FOXL3: variants seen among roughly 807,000 people sequenced by gnomAD.
FOXL3 encodes the protein forkhead box protein L3.
Under a neutral mutation model 10.9 loss-of-function variants are expected in FOXL3, and 16 were observed. The observed-to-expected ratio is 1.46, with a 90% CI of 0.99 to 2.22. FOXL3 has a LOEUF of 2.22. Among genes scored for constraint, FOXL3 ranks in the 30% most tolerant of loss-of-function variants. FOXL3 has a pLI of 0.00. For synonymous variants in FOXL3, 170 were observed against 152.0 expected (o/e 1.12, Z -0.87); for missense variants, 400 against 337.9 (o/e 1.18, Z -1.44).
Position 290,511 on chromosome 7 carries a change from C to A in FOXL3, c.108-142C>A, listed in dbSNP as rs929382229. ...GAAAGAGCTTCTGGGGTCTGGGTGG[C>A]GCCGGGGACCGCGAGCTGCGGGGAC... On this transcript the variant is annotated intron_variant, in intron 1 of 2. Coordinates refer to ENST00000506382, the MANE Select transcript of FOXL3 (RefSeq NM_001374838.1). 213 of 927,512 alleles carry A rather than the reference C, an allele frequency of 2.3e-4. 1 individual carries two copies. The highest frequency in any genetic ancestry group is 1.0e-3 in the Middle Eastern group (3 of 2,972). 57.5% of individuals were successfully genotyped at this position (927,512 alleles called of 1,614,324 possible).
In FOXL3 at chr7:291,402, T is replaced by C. The variant is rs1438599596; in HGVS notation, c.616T>C (p.Phe206Leu). The C allele has an allele frequency of 3.1e-6, 4 of 1,276,016 alleles. No homozygotes were observed. In the African/African-American group the frequency reaches 4.6e-5, roughly 15 times the overall value. The allele number at this position is 1,276,016 out of a possible 1,614,324, so 79.0% of individuals were successfully genotyped here. Residue 206 changes from phenylalanine (F) to leucine (L), a missense_variant, in exon 3 of 3, where the codon TTC becomes CTC. Phe to Leu is a conservative substitution (Grantham distance 22). Transcript: ENST00000506382. ...CTACATCCTGTCCTCCCCAGACCCC[T>C]TCCCTGGGCTCAAGCCGCCCTGCCT... ...IDYILSSPDP[F>L]PGLKPPCLAQ... is the part of the protein sequence containing the mutation.
chr7:291,397 A>T lies in FOXL3; in HGVS notation c.611A>T (p.Asp204Val). Residue 204 changes from aspartate (D) to valine (V), a missense_variant, in exon 3 of 3, where the codon GAC (aspartate) becomes GTC (valine). Coordinates refer to ENST00000506382, the MANE Select transcript of FOXL3 (RefSeq NM_001374838.1). ...ATCGACTACATCCTGTCCTCCCCAG[A>T]CCCCTTCCCTGGGCTCAAGCCGCCC... ...FSIDYILSSP[D>V]PFPGLKPPCL... The T allele has an allele frequency of 1.6e-6, 2 of 1,283,916 alleles. No individual in the cohort carries two copies. The highest frequency in any genetic ancestry group is 2.0e-4 in the Middle Eastern group (1 of 5,020). 79.5% of individuals were successfully genotyped at this position (1,283,916 alleles called of 1,614,324 possible).
At position 290,226 on chromosome 7, in the gene FOXL3, C is replaced by A. The variant is rs764202379; in HGVS notation, c.57C>A (p.Tyr19Ter). Reference sequence around the variant, plus strand: ...GCTTCAATTACGACGCCGACGACTACCCCGCCGGCAGCTCCGACGAAGACA... The same window carrying A: ...GCTTCAATTACGACGCCGACGACTAACCCGCCGGCAGCTCCGACGAAGACA... ...YNCFNYDADD[Y>*]PAGSSDEDKR... Residue 19 changes from tyrosine (Y) to a stop codon, truncating the protein, a stop_gained, in exon 1 of 3, where the codon TAC (tyrosine) becomes TAA (stop). Coordinates refer to ENST00000506382, the MANE Select transcript of FOXL3 (RefSeq NM_001374838.1). LOFTEE classifies it high-confidence loss of function. 2.6e-6 allele frequency: 4 copies of A among 1,535,968 alleles called. No individual in the cohort carries two copies. In the South Asian group the frequency reaches 4.8e-5, roughly 18 times the overall value.
Position 291,128 on chromosome 7 carries a change from G to C in FOXL3, c.342G>C (p.Glu114Asp). ...ACTGGACGTTCGCGGGCGGCTGCGA[G>C]TCGCTGCTGGACCTCTTCGAGAACG... ...GNYWTFAGGCESLLDLFENGN... is the reference protein window; with the variant it reads ...GNYWTFAGGCDSLLDLFENGN... The change falls in exon 3 of 3, where the codon GAG becomes GAC. Residue 114 changes from glutamate (E) to aspartate (D), a missense_variant. Physicochemically the swap from Glu to Asp is conservative, Grantham distance 45. Coordinates refer to ENST00000506382, the MANE Select transcript of FOXL3 (RefSeq NM_001374838.1). 1 of 1,404,586 alleles carries C rather than the reference G, an allele frequency of 7.1e-7. No individual in the cohort carries two copies. Among genetic ancestry groups the C allele is most frequent in the South Asian group, 1.4e-5 (1 of 71,190 alleles). 87.0% of individuals were successfully genotyped at this position (1,404,586 alleles called of 1,614,324 possible).
chr7:291,218 G>T lies in FOXL3; in HGVS notation c.432G>T (p.Ala144=). The change falls in exon 3 of 3, where the codon GCG becomes GCT. Residue 144 remains alanine, a synonymous_variant. Transcript: ENST00000506382. ...GCGAGGGGCCGAGGGGTCCGCGCGC[G>T]GGGGGCGCCCAGGGGCCGTCGGGTC... ...PKREGPRGPR[A]GGAQGPSGPS... is the part of the protein sequence containing the mutation. 4.3e-6 allele frequency: 5 copies of T among 1,165,212 alleles called. No homozygotes were observed. The highest frequency in any genetic ancestry group is 5.3e-6 in the Non-Finnish European group (5 of 946,788). The allele number at this position is 1,165,212 out of a possible 1,614,324, so 72.2% of individuals were successfully genotyped here.
In FOXL3 at chr7:290,256, G is replaced by A; in HGVS notation, c.87G>A (p.Arg29=). Residue 29 remains arginine, a synonymous_variant, in exon 1 of 3, where the codon AGG becomes AGA. Coordinates refer to ENST00000506382, the MANE Select transcript of FOXL3 (RefSeq NM_001374838.1). ...CCGGCAGCTCCGACGAAGACAAGAG[G>A]CTCACGCGGCCCGCGTACAGGTGAC... is the stretch of plus-strand genomic sequence containing the variant. ...YPAGSSDEDK[R]LTRPAYSYIA... is the part of the protein sequence containing the mutation. The A allele has an allele frequency of 6.5e-7, 1 of 1,535,910 alleles. No homozygotes were observed. The highest frequency in any genetic ancestry group is 8.7e-7 in the Non-Finnish European group (1 of 1,146,766).
chr7:290,793 A>C lies in FOXL3; in HGVS notation c.248A>C (p.Asn83Thr). 2 of 1,511,500 alleles carry C rather than the reference A, an allele frequency of 1.3e-6. No individual in the cohort carries two copies. Among genetic ancestry groups the C allele is most frequent in the Non-Finnish European group, 1.8e-6 (2 of 1,134,566 alleles). 93.6% of individuals were successfully genotyped at this position (1,511,500 alleles called of 1,614,324 possible). ...QRAWQNSIRH[N>T]LSLNSCFVKV... ...GCCTGGCAGAACTCCATCCGCCACA[A>C]CCTGTCCCTCAACAGCTGCTTCGTC... The change falls in exon 2 of 3, where the codon AAC becomes ACC. Residue 83 changes from asparagine (N) to threonine (T), a missense_variant. Transcript: ENST00000506382.
Position 290,212 on chromosome 7 carries a change from G to A in FOXL3, c.43G>A (p.Asp15Asn), listed in dbSNP as rs780475362. ...SQYPYNCFNY[D>N]ADDYPAGSSD... ...GTATCCCTACAACTGCTTCAATTACGACGCCGACGACTACCCCGCCGGCAG... is the reference window on the plus strand; with the variant it reads ...GTATCCCTACAACTGCTTCAATTACAACGCCGACGACTACCCCGCCGGCAG... Residue 15 changes from aspartate to asparagine, a missense_variant, in exon 1 of 3, where the codon GAC (aspartate) becomes AAC (asparagine). Transcript: ENST00000506382. 125 of 1,535,836 alleles carry A rather than the reference G, an allele frequency of 8.1e-5. No individual in the cohort carries two copies. The Middle Eastern group carries it at 1.0e-3, about 12-fold the overall frequency.
chr7:291,041 GC>G, intron 2 of FOXL3, 21 bp from the exon 3 acceptor site: 1 of 1,370,490 alleles, frequency 7.3e-7, no homozygotes, highest in South Asian at 1.6e-5. Flanking sequence ...GCCGCTCCCA[GC>G]CCCTCCCTCC....
intron 2 of FOXL3, 97 bp from the exon 3 acceptor site, chr7:290,966 G>T: frequency 7.8e-7 from 1 of 1,277,898 alleles, no homozygotes; most frequent in Non-Finnish European, 9.9e-7. Flanking sequence ...TGCGCAGTGC[G>T]CCACCCTCGC....
At chr7:290,555 T>A (rs1211670126) in intron 1 of FOXL3, 98 bp from the exon 2 acceptor site, 2 of 1,226,790 alleles carry the variant, frequency 1.6e-6, no homozygotes, top group Non-Finnish European at 2.2e-6. Context: ...CAACACCGCC[T>A]CGCTCCTCCG....
Position 290,271 on chromosome 7 carries a change from G to A in FOXL3, c.102G>A (p.Ala34=). 6.5e-7 allele frequency: 1 copy of A among 1,535,606 alleles called. No homozygotes were observed. The highest frequency in any genetic ancestry group is 8.7e-7 in the Non-Finnish European group (1 of 1,146,526). ...SDEDKRLTRP[A]YSYIALIAMA... is the part of the protein sequence containing the mutation. ...AAGACAAGAGGCTCACGCGGCCCGC[G>A]TACAGGTGACTGCGGGGGCGGTGCT... Residue 34 remains alanine (A), a synonymous_variant, in exon 1 of 3, where the codon GCG becomes GCA. Transcript: ENST00000506382.
chr7:291,037 C>A, intron 2 of FOXL3, 26 bp from the exon 3 acceptor site: 1 of 1,365,442 alleles, frequency 7.3e-7, no homozygotes, highest in Non-Finnish European at 9.4e-7. Flanking sequence ...CGGAGCCGCT[C>A]CCAGCCCCTC....
chr7:290,607 G>A, intron 1 of FOXL3, 46 bp from the exon 2 acceptor site: 1 of 1,412,788 alleles, frequency 7.1e-7, no homozygotes, highest in South Asian at 1.6e-5. Flanking sequence ...GGGGAAGGAC[G>A]GGGGGCTGCC....
rs976506506 is a variant in FOXL3 at position 290,684 on chromosome 7, C to G, written c.139C>G (p.Gln47Glu). Residue 47 changes from glutamine (Q) to glutamate (E), a missense_variant, in exon 2 of 3, where the codon CAG becomes GAG. By Grantham distance (29) the Gln-to-Glu change is conservative. Transcript: ENST00000506382. ...CGCCTTGATCGCCATGGCCATTCAG[C>G]AGAGCCCCGCGGGGAGGGTGACCCT... ...YIALIAMAIQQSPAGRVTLSG... is the reference protein window; with the variant it reads ...YIALIAMAIQESPAGRVTLSG... 1.5e-5 allele frequency: 21 copies of G among 1,443,474 alleles called. No homozygotes were observed. The African/African-American group carries it at 2.9e-4, about 20-fold the overall frequency. 89.4% of individuals were successfully genotyped at this position (1,443,474 alleles called of 1,614,324 possible).
Position 291,284 on chromosome 7 carries a change from C to A in FOXL3, c.498C>A (p.Asp166Glu). ...PPAAQGRLAP[D>E]SAGEGAPGRE... ...CCGCTCAGGGGCGCCTGGCCCCGGA[C>A]AGCGCTGGCGAGGGCGCCCCGGGCC... Residue 166 changes from aspartate (D) to glutamate (E), a missense_variant, in exon 3 of 3, where the codon GAC becomes GAA. Physicochemically the swap from Asp to Glu is conservative, Grantham distance 45. Transcript: ENST00000506382. 5 of 1,221,504 alleles carry A rather than the reference C, an allele frequency of 4.1e-6. No homozygotes were observed. The highest frequency in any genetic ancestry group is 5.1e-6 in the Non-Finnish European group (5 of 980,274). 75.7% of individuals were successfully genotyped at this position (1,221,504 alleles called of 1,614,324 possible).
At position 290,194 on chromosome 7, in the gene FOXL3, T is replaced by C; in HGVS notation, c.25T>C (p.Tyr9His). 7.2e-6 allele frequency: 11 copies of C among 1,535,862 alleles called. No individual in the cohort carries two copies. The highest frequency in any genetic ancestry group is 9.6e-6 in the Non-Finnish European group (11 of 1,146,698). The change falls in exon 1 of 3, where the codon TAC becomes CAC. Residue 9 changes from tyrosine to histidine, a missense_variant. By Grantham distance (83) the Tyr-to-His change is moderately conservative. Transcript: ENST00000506382. ...GATGTTTGACAGCTCGCAGTATCCC[T>C]ACAACTGCTTCAATTACGACGCCGA... MFDSSQYP[Y>H]NCFNYDADDY... is the part of the protein sequence containing the mutation.
At chr7:290,339 T>A (rs1778612440) in intron 1 of FOXL3, 63 bp downstream of exon 1, 1 of 1,297,696 alleles carries the variant, frequency 7.7e-7, no homozygotes, top group Admixed American at 2.0e-5. Flanking sequence ...GGGTCCCAGG[T>A]AGCCGGGACC....
chr7:291,191 G>A lies in FOXL3; in HGVS notation c.405G>A (p.Lys135=), dbSNP rs1318189087. 2 of 1,234,984 alleles carry A rather than the reference G, an allele frequency of 1.6e-6. No homozygotes were observed. Among genetic ancestry groups the A allele is most frequent in the East Asian group, 3.6e-5 (1 of 28,138 alleles). 76.5% of individuals were successfully genotyped at this position (1,234,984 alleles called of 1,614,324 possible). A position where few individuals can be genotyped will look rare whatever the true frequency, so the allele number is the denominator to read the frequency against. ...YRRRRRRRGP[K]REGPRGPRAG... is the part of the protein sequence containing the mutation. ...GGCGGCGGCGGCGGCGCGGCCCCAAGCGCGAGGGGCCGAGGGGTCCGCGCG... is the reference window on the plus strand; with the variant it reads ...GGCGGCGGCGGCGGCGCGGCCCCAAACGCGAGGGGCCGAGGGGTCCGCGCG... The change falls in exon 3 of 3, where the codon AAG becomes AAA. Residue 135 remains lysine, a synonymous_variant. Transcript: ENST00000506382.
Sources: allele counts gnomAD v4.1 joint callset, GRCh38; gene constraint gnomAD v4.1.1; transcripts MANE v1.5; gene names NCBI Gene and HGNC (gene_info 2026-07-23, HGNC 2026-07-21).